The following TCF4 variants were observed in gnomAD, a reference collection of about 807,000 sequenced individuals.
TCF4 encodes transcription factor 4.
A neutral mutation model predicts 82.1 loss-of-function variants in TCF4; 3 were observed. The observed-to-expected ratio is 0.04, with a 90% CI of 0.02 to 0.09. TCF4 has a LOEUF of 0.09. Among genes scored for constraint, TCF4 ranks in the 10% least tolerant of loss-of-function variants. TCF4 has a pLI of 1.00. For missense variants in TCF4, 518 were observed against 852.7 expected, an observed-to-expected ratio of 0.61 and a Z score of 4.89; for synonymous variants, 276 against 309.6, an observed-to-expected ratio of 0.89 and a Z score of 1.14.
chr18:55,614,442 T>G (rs541340180), intron 2 of TCF4, among the ~76,000 whole-genome samples: 4 of 152,134 alleles, frequency 2.6e-5, no homozygotes, highest in African/African-American at 9.6e-5. Flanking sequence ...GCATAAGATA[T>G]GGATGATCAT....
intron 3 of TCF4, among the ~76,000 whole-genome samples, chr18:55,465,556 T>G (rs1419966439): frequency 6.6e-6 from 1 of 151,150 alleles, no homozygotes; most frequent in East Asian, 1.9e-4. Flanking sequence ...AAGAAAGCTC[T>G]CGGGACTGCA....
intron 5 of TCF4, among the ~76,000 whole-genome samples, chr18:55,438,628 C>A (rs2095379442): frequency 6.6e-6 from 1 of 152,198 alleles, no homozygotes; most frequent in Non-Finnish European, 1.5e-5. Flanking sequence ...ACACCACCTG[C>A]AGTCCTGGTA....
At chr18:55,375,393 C>T (rs1026786126) in intron 6 of TCF4, among the ~76,000 whole-genome samples, 1 of 152,002 alleles carries the variant, frequency 6.6e-6, no homozygotes, top group East Asian at 1.9e-4. Context: ...AGTGGTGGAT[C>T]ATAAGAAAGT....
intron 13 of TCF4, among the ~76,000 whole-genome samples, chr18:55,259,257 G>C (rs2057523694): frequency 6.6e-6 from 1 of 152,110 alleles, no homozygotes; most frequent in African/African-American, 2.4e-5. Flanking sequence ...TTACCAAAGA[G>C]CAGAGACATG....
rs566887956 is a variant in TCF4 at position 55,458,310 on chromosome 18, A to C, written c.304+2709T>G. Among the ~76,000 whole-genome samples the C allele has an allele frequency of 1.4e-4, 21 of 152,330 alleles. No homozygotes were observed. The East Asian group carries it at 3.9e-3, about 28-fold the overall frequency. Reference sequence around the variant, plus strand: ...TTTGTAGTTTTAACAAAAACCAGTTAAACATTCTGAAAGTGGAGACTGGAG... The same window carrying C: ...TTTGTAGTTTTAACAAAAACCAGTTCAACATTCTGAAAGTGGAGACTGGAG... On this transcript the variant is annotated intron_variant, in intron 5 of 19. Transcript: ENST00000354452.
intron 3 of TCF4, among the ~76,000 whole-genome samples, chr18:55,568,366 T>G (rs1036306042): frequency 1.3e-5 from 2 of 151,586 alleles, no homozygotes; most frequent in Non-Finnish European, 2.9e-5. Context: ...AAGTTATGAA[T>G]GAAAAATGAA....
intron 1 of TCF4, chr18:55,587,337 CAAAAAAAAAAAAAAAAAAAAAAA>C (rs1159348981): frequency 2.8e-3 from 20 of 7,150 alleles, no homozygotes; most frequent in South Asian, 0.017. Flanking sequence ...GCAGCAATAG[CAAAAAAAAAAAAAAAAAAAAAAA>C]AAAAAAAAAA....
rs778235942 is a variant in TCF4 at position 55,553,429 on chromosome 18, C to T, written c.145+31851G>A. ...AAATTGGGATTTCCATCTGGGTATA[C>T]AGAAGTGGTGCCCTAGAATACATAA... On this transcript the variant is annotated intron_variant, in intron 3 of 19. Coordinates refer to ENST00000354452, the MANE Select transcript of TCF4 (RefSeq NM_001083962.2). The T allele has an allele frequency of 2.0e-5, 3 of 152,150 alleles. No homozygotes were observed. The South Asian group carries it at 6.2e-4, about 32-fold the overall frequency. 9.4% of individuals were successfully genotyped at this position (152,150 alleles called of 1,614,324 possible). A position where few individuals can be genotyped will look rare whatever the true frequency, so the allele number is the denominator to read the frequency against.
chr18:55,630,756 A>T (rs1246831947), intron 2 of TCF4, among the ~76,000 whole-genome samples: 2 of 152,214 alleles, frequency 1.3e-5, no homozygotes, highest in Non-Finnish European at 2.9e-5. Context: ...AGACTATGAG[A>T]CCATATAAAT....
intron 3 of TCF4, among the ~76,000 whole-genome samples, chr18:55,559,542 CCA>C (rs1372699768): frequency 6.6e-6 from 1 of 151,680 alleles, no homozygotes; most frequent in Non-Finnish European, 1.5e-5. Context: ...AAAATTAACA[CCA>C]GTTAACATTG....
At chr18:55,367,048 T>C (rs2087369206) in intron 6 of TCF4, among the ~76,000 whole-genome samples, 1 of 152,224 alleles carries the variant, frequency 6.6e-6, no homozygotes, top group African/African-American at 2.4e-5. Context: ...ACCCAGGTTT[T>C]ACTCACATGG....
chr18:55,410,021 C>T (rs1216548912), intron 5 of TCF4, among the ~76,000 whole-genome samples: 1 of 152,128 alleles, frequency 6.6e-6, no homozygotes, highest in African/African-American at 2.4e-5. Context: ...TAAATTTGTG[C>T]TAAAAGAATT....
Position 55,560,063 on chromosome 18 carries a change from A to AAT in TCF4, c.145+25215_145+25216dup, listed in dbSNP as rs552472818. Among the ~76,000 whole-genome samples, 21 of 152,318 alleles carry AAT rather than the reference A, an allele frequency of 1.4e-4. No individual in the cohort carries two copies. In the South Asian group the frequency reaches 3.5e-3, roughly 26 times the overall value. ...AAGCTGTAAAATAAAAGCACATAAT[A>AAT]ATATATATTCATTAGTTAACTTATC... On this transcript the variant is annotated intron_variant, in intron 3 of 19. Coordinates refer to ENST00000354452, the MANE Select transcript of TCF4 (RefSeq NM_001083962.2).
At chr18:55,383,222 C>G (rs1256774678) in intron 6 of TCF4, among the ~76,000 whole-genome samples, 1 of 152,208 alleles carries the variant, frequency 6.6e-6, no homozygotes, top group East Asian at 1.9e-4. Context: ...ACAAATTACT[C>G]AAGGCTTCTC....
chr18:55,343,683 A>G (rs1264236017), intron 8 of TCF4, among the ~76,000 whole-genome samples: 5 of 152,180 alleles, frequency 3.3e-5, no homozygotes, highest in Non-Finnish European at 7.4e-5. Flanking sequence ...GTAAAGCATC[A>G]AACTCCTCAA....
At chr18:55,322,425 G>GA (rs967879627) in intron 8 of TCF4, 135,791 of 727,660 alleles carry the variant, frequency 0.19, 798 homozygotes, top group African/African-American at 0.25. Flanking sequence ...GGGGAGGGAA[G>GA]AAAAAAAAAA....
At chr18:55,534,813 CA>C (rs2097100984) in intron 3 of TCF4, among the ~76,000 whole-genome samples, 1 of 152,194 alleles carries the variant, frequency 6.6e-6, no homozygotes, top group Admixed American at 6.5e-5. Flanking sequence ...CAGAATGACA[CA>C]GTGGTGAATG....
intron 8 of TCF4, among the ~76,000 whole-genome samples, chr18:55,315,981 C>T (rs910416779): frequency 6.6e-6 from 1 of 151,682 alleles, no homozygotes; most frequent in Admixed American, 6.6e-5. Context: ...ACAACTTTAG[C>T]CTGTGTCATC....
intron 3 of TCF4, among the ~76,000 whole-genome samples, chr18:55,536,709 T>C (rs1019246771): frequency 2.0e-5 from 3 of 152,286 alleles, no homozygotes; most frequent in East Asian, 1.9e-4. Flanking sequence ...AACAAACAAA[T>C]GTTTTAAAAT....
Sources: allele counts gnomAD v4.1 joint callset (sites outside exome capture counted in the v4.1 genomes callset), GRCh38; gene constraint gnomAD v4.1.1; transcripts MANE v1.5; gene names NCBI Gene and HGNC (gene_info 2026-07-23, HGNC 2026-07-21).